Variants in PCDH15 observed in about 807,000 individuals in gnomAD.
PCDH15 encodes the protein protocadherin related 15, also known as protocadherin-15.
Under a neutral mutation model 178.5 loss-of-function variants are expected in PCDH15, and 129 were observed. That is an observed-to-expected ratio of 0.72 (90% CI 0.63 to 0.84). PCDH15 has a LOEUF of 0.84. PCDH15 is among the 40% of genes least tolerant of loss of function. PCDH15 has a pLI of 0.00. For synonymous variants in PCDH15, 800 were observed against 732.0 expected, an observed-to-expected ratio of 1.09 and a Z score of -1.50; for missense variants, 2,230 against 2,099.9, an observed-to-expected ratio of 1.06 and a Z score of -1.21.
intron 3 of PCDH15, among the ~76,000 whole-genome samples, chr10:54,487,276 A>G (rs139082948): frequency 1.1e-3 from 173 of 152,126 alleles, no homozygotes; most frequent in East Asian, 0.011. Flanking sequence ...TCACTTAAAA[A>G]TGGGAGCTAA....
At chr10:54,933,655 C>T (rs1157232728) in intron 2 of PCDH15, among the ~76,000 whole-genome samples, 1 of 152,086 alleles carries the variant, frequency 6.6e-6, no homozygotes, top group Admixed American at 6.6e-5. Context: ...CCATTTCCCA[C>T]CAAGAAAACC....
intron 2 of PCDH15, among the ~76,000 whole-genome samples, chr10:55,059,478 T>G (rs1003539901): frequency 6.6e-6 from 1 of 152,148 alleles, no homozygotes. Context: ...TATAGTTGCC[T>G]ACTTAGCATC....
intron 2 of PCDH15, among the ~76,000 whole-genome samples, chr10:55,396,997 G>C (rs1258411229): frequency 1.3e-5 from 2 of 152,150 alleles, no homozygotes; most frequent in Non-Finnish European, 2.9e-5. Context: ...CTTAGAAATA[G>C]AATGTTTCAG....
chr10:54,274,164 G>GAT (rs2058210501), intron 8 of PCDH15, among the ~76,000 whole-genome samples: 1 of 151,388 alleles, frequency 6.6e-6, no homozygotes, highest in African/African-American at 2.4e-5. Context: ...GGAGGGAGAA[G>GAT]ACAAAAAAAA....
chr10:55,232,025 G>A (rs1168908492), intron 1 of PCDH15, among the ~76,000 whole-genome samples: 1 of 151,868 alleles, frequency 6.6e-6, no homozygotes, highest in Non-Finnish European at 1.5e-5. Flanking sequence ...TTTAACAAAT[G>A]TAGTTATATA....
chr10:54,701,411 G>A (rs2095307531), intron 1 of PCDH15, among the ~76,000 whole-genome samples: 2 of 151,946 alleles, frequency 1.3e-5, no homozygotes, highest in African/African-American at 2.4e-5. Flanking sequence ...CTGCATAATG[G>A]CCAGCTAAAA....
At chr10:55,246,526 G>T (rs2132218188) in intron 1 of PCDH15, among the ~76,000 whole-genome samples, 1 of 152,250 alleles carries the variant, frequency 6.6e-6, no homozygotes, top group South Asian at 2.1e-4. Flanking sequence ...GTTCTCAATT[G>T]TAGAAATATT....
At chr10:55,058,235 G>T (rs1841351725) in intron 2 of PCDH15, among the ~76,000 whole-genome samples, 1 of 151,934 alleles carries the variant, frequency 6.6e-6, no homozygotes, top group African/African-American at 2.4e-5. Flanking sequence ...ATTTGAGACA[G>T]GGTCTTTCTC....
intron 2 of PCDH15, among the ~76,000 whole-genome samples, chr10:54,936,244 T>G (rs1348644309): frequency 2.0e-5 from 3 of 152,084 alleles, no homozygotes; most frequent in Non-Finnish European, 4.4e-5. Context: ...TTAAATTTCA[T>G]TGTGTGGATA....
rs869122093 is a variant in PCDH15 at position 53,892,020 on chromosome 10, GTTTTTTTTT to G, written c.3501+11214_3501+11222del. 6.7e-3 allele frequency among the ~76,000 whole-genome samples: 618 copies of G among 91,890 alleles called. 5 individuals carry two copies. The highest frequency in any genetic ancestry group is 0.025 in the African/African-American group (593 of 23,366). 60.3% of individuals were successfully genotyped at this position (91,890 alleles called of 152,430 possible). A position where few individuals can be genotyped will look rare whatever the true frequency, so the allele number is the denominator to read the frequency against. ...GTTATCAGAGCAGCTTTACATCTAT[GTTTTTTTTT>G]TTTTTTTTTTTTTTTCCAAGACAGA... On this transcript the variant is annotated intron_variant, in intron 26 of 37. Coordinates refer to ENST00000644397, the MANE Select transcript of PCDH15 (RefSeq NM_001384140.1).
At chr10:54,702,554 A>AAAC (rs1383876396) in intron 1 of PCDH15, among the ~76,000 whole-genome samples, 27 of 151,560 alleles carry the variant, frequency 1.8e-4, no homozygotes, top group African/African-American at 6.5e-4. Context: ...AAAAAAAAAA[A>AAAC]AAAACCTTCA....
chr10:54,664,138 C>A (rs184954613), intron 2 of PCDH15, 34 bp downstream of exon 2: 2 of 1,494,750 alleles, frequency 1.3e-6, no homozygotes, highest in Middle Eastern at 1.7e-4. Flanking sequence ...AAAATCCTGG[C>A]TCGCTCTAAA....
chr10:53,878,779 A>G (rs1280352491), intron 26 of PCDH15, among the ~76,000 whole-genome samples: 1 of 152,054 alleles, frequency 6.6e-6, no homozygotes, highest in East Asian at 1.9e-4. Context: ...TGGTCAAATA[A>G]TATTTGGCTT....
At chr10:55,162,883 T>A (rs1007749107) in intron 2 of PCDH15, among the ~76,000 whole-genome samples, 8 of 152,146 alleles carry the variant, frequency 5.3e-5, no homozygotes, top group African/African-American at 1.7e-4. Flanking sequence ...CAATTACCAG[T>A]CATTGTTCTA....
intron 3 of PCDH15, among the ~76,000 whole-genome samples, chr10:54,815,299 C>G (rs1478934775): frequency 6.6e-6 from 1 of 152,018 alleles, no homozygotes; most frequent in Non-Finnish European, 1.5e-5. Context: ...GTACATATAT[C>G]TATTATAAAA....
At position 54,165,448 on chromosome 10, in the gene PCDH15, C is replaced by A. The variant is rs556742209; in HGVS notation, c.1591-12155G>T. On this transcript the variant is annotated intron_variant, in intron 13 of 37. Transcript: ENST00000644397. ...AAGAAATAAAACAACAAGAAGATGA[C>A]TTTAAAGCATTTCTTTTCACAGCCT... is the stretch of plus-strand genomic sequence containing the variant. 7.9e-5 allele frequency among the ~76,000 whole-genome samples: 12 copies of A among 152,252 alleles called. No homozygotes were observed. In the South Asian group the frequency reaches 2.1e-3, roughly 26 times the overall value.
chr10:54,709,361 T>C (rs1330954853), intron 1 of PCDH15, among the ~76,000 whole-genome samples: 2 of 151,948 alleles, frequency 1.3e-5, no homozygotes, highest in Non-Finnish European at 2.9e-5. Context: ...ACTCCATACA[T>C]TATTATACAT....
intron 8 of PCDH15, 148 bp downstream of exon 8, chr10:54,317,123 C>T (rs2133643619): frequency 1.2e-6 from 1 of 804,988 alleles, no homozygotes; most frequent in East Asian, 2.7e-5. Context: ...ATTCATACTC[C>T]CTGAAAATAG....
intron 2 of PCDH15, among the ~76,000 whole-genome samples, chr10:55,383,862 C>A (rs12767503): frequency 0.11 from 16,842 of 152,028 alleles, 974 homozygotes; most frequent in East Asian, 0.18. Flanking sequence ...CAGATGTTTG[C>A]ACTAACTGGG....
Sources: allele counts gnomAD v4.1 joint callset (sites outside exome capture counted in the v4.1 genomes callset), GRCh38; gene constraint gnomAD v4.1.1; transcripts MANE v1.5; gene names NCBI Gene and HGNC (gene_info 2026-07-23, HGNC 2026-07-21).